CDK16: variants seen among roughly 807,000 people sequenced by gnomAD.
The protein encoded by CDK16 is cyclin-dependent kinase 16.
A neutral mutation model predicts 41.6 loss-of-function variants in CDK16; 2 were observed. That is an observed-to-expected ratio of 0.05 (90% CI 0.02 to 0.15). The LOEUF is 0.15. CDK16 is among the 10% of genes least tolerant of loss of function. The pLI, the probability that CDK16 is intolerant of heterozygous loss-of-function variation, is 1.00. For synonymous variants in CDK16, 169 were observed against 169.7 expected (o/e 1.00, Z 0.03); for missense variants, 228 against 428.9 (o/e 0.53, Z 4.14).
In CDK16 at chrX:47,224,999, C is replaced by T; in HGVS notation, c.531C>T (p.Ala177=). 1 of 1,206,578 alleles carries T rather than the reference C, an allele frequency of 8.3e-7. No individual in the cohort carries two copies. Among genetic ancestry groups the T allele is most frequent in the Non-Finnish European group, 1.1e-6 (1 of 892,445 alleles). Residue 177 remains alanine (A), a synonymous_variant, in exon 6 of 16, where the codon GCC becomes GCT. Coordinates refer to ENST00000357227, the MANE Select transcript of CDK16 (RefSeq NM_006201.5). ...KLDKLGEGTY[A]TVYKGKSKLT... ...TCCTCACATTCCAGGGTACCTATGC[C>T]ACCGTCTACAAAGGCAAAAGCAAGC...
intron 1 of CDK16, among the ~76,000 whole-genome samples, chrX:47,220,907 C>G (rs772428100): frequency 1.8e-5 from 2 of 110,758 alleles, no homozygotes; most frequent in African/African-American, 6.6e-5. Context: ...GGGAACAGTA[C>G]GTTAATGAGG....
chrX:47,219,002 G>A lies in CDK16; in HGVS notation c.-110G>A. 1 of 883,297 alleles carries A rather than the reference G, an allele frequency of 1.1e-6. No homozygotes were observed. Among genetic ancestry groups the A allele is most frequent in the Non-Finnish European group, 1.4e-6 (1 of 722,451 alleles). The allele number at this position is 883,297 out of a possible 1,213,427, so 72.8% of individuals were successfully genotyped here. A position where few individuals can be genotyped will look rare whatever the true frequency, so the allele number is the denominator to read the frequency against. On this transcript the variant is annotated 5_prime_UTR_variant, in exon 1 of 16. Coordinates refer to ENST00000357227, the MANE Select transcript of CDK16 (RefSeq NM_006201.5). ...AAGACTACTGGGACGGGCGCCTGCG[G>A]CGAACAGGAGGAGAAGGAGGTCGCG...
At position 47,223,219 on chromosome X, in the gene CDK16, T is replaced by C. The variant is rs1937422196; in HGVS notation, c.-6-333T>C. On this transcript the variant is annotated intron_variant, in intron 1 of 15. Transcript: ENST00000357227. ...ACCTGAGAAGATCTGCAATGGAGCC[T>C]TCTGCTCCTGCAGTGGGGCTTTTCC... 3.5e-6 allele frequency: 4 copies of C among 1,156,054 alleles called. No individual in the cohort carries two copies. In the African/African-American group the frequency reaches 7.1e-5, roughly 21 times the overall value.
chrX:47,221,322 C>T (rs1023391465), intron 1 of CDK16, among the ~76,000 whole-genome samples: 10 of 111,693 alleles, frequency 9.0e-5, no homozygotes, highest in African/African-American at 3.3e-4. Flanking sequence ...CTAAAAAGCT[C>T]ATTCAACTGA....
rs1937509987 is a variant in CDK16 at position 47,224,831 on chromosome X, C to T, written c.463-3C>T. 8.3e-7 allele frequency: 1 copy of T among 1,211,599 alleles called. No individual in the cohort carries two copies. The highest frequency in any genetic ancestry group is 1.1e-6 in the Non-Finnish European group (1 of 895,442). On this transcript the variant is annotated splice_region_variant and splice_polypyrimidine_tract_variant and intron_variant, in intron 4 of 15. Coordinates refer to ENST00000357227, the MANE Select transcript of CDK16 (RefSeq NM_006201.5). ...GCTTTAACCTGCCTCATTTGTCCCA[C>T]AGTCTGAGATTGGCTTTGGGAAACT...
Position 47,225,985 on chromosome X carries a change from C to T in CDK16, c.750C>T (p.Tyr250=). The T allele has an allele frequency of 8.3e-7, 1 of 1,203,657 alleles. No homozygotes were observed. The highest frequency in any genetic ancestry group is 1.1e-6 in the Non-Finnish European group (1 of 890,893). The change falls in exon 8 of 16, where the codon TAC becomes TAT. Residue 250 remains tyrosine (Y), a synonymous_variant. Transcript: ENST00000357227. ...FEYLDKDLKQ[Y]LDDCGNIINM... is the part of the protein sequence containing the mutation. ...CTCAGGACAAGGACCTGAAGCAGTA[C>T]CTGGATGACTGTGGGAACATCATCA...
intron 13 of CDK16, 64 bp from the exon 14 acceptor site, chrX:47,227,315 G>T: frequency 9.1e-7 from 1 of 1,102,702 alleles, no homozygotes; most frequent in East Asian, 3.1e-5. Context: ...AGGGTCTGAG[G>T]TGGGCAGAGA....
chrX:47,222,666 T>TGGGGGGGGGGGGGGG (rs1166179078), intron 1 of CDK16, among the ~76,000 whole-genome samples: 2 of 11,253 alleles, frequency 1.8e-4, no homozygotes, highest in African/African-American at 3.0e-4. Flanking sequence ...GGTGTGGGGG[T>TGGGGGGGGGGGGGGG]GGGGGGGGGC....
chrX:47,218,619 C>T (rs1203557266), upstream of CDK16: 3 of 1,162,195 alleles, frequency 2.6e-6, no homozygotes, highest in Non-Finnish European at 3.4e-6. Flanking sequence ...GCGATGGCCG[C>T]GTCCCCTCCC....
intron 9 of CDK16, 79 bp downstream of exon 9, chrX:47,226,481 C>T: frequency 8.4e-6 from 10 of 1,194,416 alleles, no homozygotes; most frequent in Non-Finnish European, 1.1e-5. Flanking sequence ...TTCCCTTCAG[C>T]CTTGCCAGAT....
chrX:47,227,821 C>G (rs895321049), intron 14 of CDK16: 57 of 167,433 alleles, frequency 3.4e-4, no homozygotes, highest in Non-Finnish European at 4.2e-4. Flanking sequence ...AGTCAAGAAA[C>G]AGAATGTTAA....
chrX:47,226,180 T>C lies in CDK16; in HGVS notation c.793-99T>C, dbSNP rs746819025. The C allele has an allele frequency of 4.3e-5, 49 of 1,152,210 alleles. No individual in the cohort carries two copies. In the African/African-American group the frequency reaches 8.4e-4, roughly 20 times the overall value. 95.0% of individuals were successfully genotyped at this position (1,152,210 alleles called of 1,213,427 possible). A position where few individuals can be genotyped will look rare whatever the true frequency, so the allele number is the denominator to read the frequency against. On this transcript the variant is annotated intron_variant, in intron 8 of 15. Transcript: ENST00000357227. The stretch of plus-strand genomic sequence containing the variant: ...CCTGTCCTCTTTTGTGTGACAAGGC[T>C]CTGGGCCTAGTGTCTGTGTTTGGGA...
chrX:47,223,234 G>T, intron 1 of CDK16: 1 of 1,156,838 alleles, frequency 8.6e-7, no homozygotes, highest in Non-Finnish European at 1.1e-6. Context: ...CTCCTGCAGT[G>T]GGGCTTTTCC....
At chrX:47,223,820 C>G (rs1937454682) in intron 2 of CDK16, 61 bp downstream of exon 2, 2 of 1,009,095 alleles carry the variant, frequency 2.0e-6, no homozygotes, top group Admixed American at 5.1e-5. Context: ...GGTGTTGCCT[C>G]CTGGTCACAT....
chrX:47,218,531 C>T (rs1937173103), upstream of CDK16: 1 of 1,031,522 alleles, frequency 9.7e-7, no homozygotes, highest in East Asian at 3.5e-5. Flanking sequence ...CTGCCAAGAT[C>T]GGAACTGAGT....
chrX:47,226,799 C>A lies in CDK16; in HGVS notation c.1038-13C>A, dbSNP rs1026940329. On this transcript the variant is annotated splice_polypyrimidine_tract_variant and intron_variant, in intron 10 of 15. Coordinates refer to ENST00000357227, the MANE Select transcript of CDK16 (RefSeq NM_006201.5). ...CCAGCTGCCTTTCTATTCACTGTGC[C>A]CTCCCTGCCCAGGGGTGTGGGCTGC... 1 of 1,197,532 alleles carries A rather than the reference C, an allele frequency of 8.4e-7. No individual in the cohort carries two copies. The highest frequency in any genetic ancestry group is 1.7e-5 in the African/African-American group (1 of 57,239).
Position 47,218,975 on chromosome X carries a change from T to C in CDK16, c.-137T>C. ...GCGGCCCGGGCCCAGCAACCATGGCTGAAGACTACTGGGACGGGCGCCTGC... is the reference window on the plus strand; with the variant it reads ...GCGGCCCGGGCCCAGCAACCATGGCCGAAGACTACTGGGACGGGCGCCTGC... On this transcript the variant is annotated 5_prime_UTR_variant, in exon 1 of 16. Coordinates refer to ENST00000357227, the MANE Select transcript of CDK16 (RefSeq NM_006201.5). 2 of 940,509 alleles carry C rather than the reference T, an allele frequency of 2.1e-6. No homozygotes were observed. The highest frequency in any genetic ancestry group is 2.6e-6 in the Non-Finnish European group (2 of 757,601). 77.5% of individuals were successfully genotyped at this position (940,509 alleles called of 1,213,427 possible).
rs142094840 is a variant in CDK16 at position 47,219,540 on chromosome X, G to T, written c.-7+435G>T. Among the ~76,000 whole-genome samples, 15 of 110,380 alleles carry T rather than the reference G, an allele frequency of 1.4e-4. No individual in the cohort carries two copies. The East Asian group carries it at 4.0e-3, about 30-fold the overall frequency. Reference sequence around the variant, plus strand: ...GGTGTATAACGGGGGGTAGGGTGTCGAGGAAGTTCTAAGACATGCTCATAG... The same window carrying T: ...GGTGTATAACGGGGGGTAGGGTGTCTAGGAAGTTCTAAGACATGCTCATAG... On this transcript the variant is annotated intron_variant, in intron 1 of 15. Coordinates refer to ENST00000357227, the MANE Select transcript of CDK16 (RefSeq NM_006201.5).
At chrX:47,219,263 C>T (rs1398755512) in intron 1 of CDK16, among the ~76,000 whole-genome samples, 158 bp downstream of exon 1, 1 of 111,654 alleles carries the variant, frequency 9.0e-6, no homozygotes, top group African/African-American at 3.3e-5. Flanking sequence ...GCCTCCCTGA[C>T]CTTGGCCCCG....
Sources: allele counts gnomAD v4.1 joint callset (sites outside exome capture counted in the v4.1 genomes callset), GRCh38; gene constraint gnomAD v4.1.1; transcripts MANE v1.5; gene names NCBI Gene and HGNC (gene_info 2026-07-23, HGNC 2026-07-21).